The following CHODL variants were observed in gnomAD, a reference collection of about 807,000 sequenced individuals.
CHODL encodes the protein chondrolectin.
CHODL carries 29 observed loss-of-function variants against 34.5 expected under a neutral mutation model. That is an observed-to-expected ratio of 0.84 (90% CI 0.63 to 1.15). CHODL has a LOEUF of 1.15. CHODL is among the 50% of genes most tolerant of loss of function. The pLI, the probability that CHODL is intolerant of heterozygous loss-of-function variation, is 0.00. For missense variants in CHODL, 332 were observed against 332.5 expected (o/e 1.00, Z 0.01); for synonymous variants, 125 against 116.1 (o/e 1.08, Z -0.49).
rs559424912 is a variant in CHODL at position 18,267,194 on chromosome 21, C to A, written c.*1156C>A. 4 of 151,660 alleles carry A rather than the reference C, an allele frequency of 2.6e-5. No individual in the cohort carries two copies. Among genetic ancestry groups the A allele is most frequent in the African/African-American group, 9.7e-5 (4 of 41,240 alleles). The allele number at this position is 151,660 out of a possible 1,614,324, so 9.4% of individuals were successfully genotyped here. A position where few individuals can be genotyped will look rare whatever the true frequency, so the allele number is the denominator to read the frequency against. The stretch of plus-strand genomic sequence containing the variant: ...AAATGGGTTGGAACCCATCAGTGAT[C>A]GCATATTCATTGATGAGGGTTTGCT... On this transcript the variant is annotated 3_prime_UTR_variant, in exon 6 of 6. Transcript: ENST00000299295.
chr21:18,000,112 C>T (rs769746155), intron 1 of CHODL, among the ~76,000 whole-genome samples: 16 of 152,206 alleles, frequency 1.1e-4, no homozygotes, highest in Admixed American at 2.6e-4. Context: ...ATTGGGCTTT[C>T]GCTGTCTGTT....
intron 1 of CHODL, among the ~76,000 whole-genome samples, chr21:17,953,663 TTATAA>T (rs138859954): frequency 0.019 from 2,825 of 152,230 alleles, 40 homozygotes; most frequent in Non-Finnish European, 0.025. Flanking sequence ...AAATCTGAAA[TTATAA>T]TATAGAGATA....
At chr21:18,065,096 G>A (rs2064715334) in intron 2 of CHODL, among the ~76,000 whole-genome samples, 2 of 152,170 alleles carry the variant, frequency 1.3e-5, no homozygotes, top group Admixed American at 1.3e-4. Flanking sequence ...AAGGACTGGT[G>A]CTTGTACACA....
intron 2 of CHODL, among the ~76,000 whole-genome samples, chr21:18,087,122 C>T (rs1371825611): frequency 1.3e-5 from 2 of 152,192 alleles, no homozygotes; most frequent in Admixed American, 1.3e-4. Flanking sequence ...GTGGCCTCAG[C>T]TGCATCACCT....
At chr21:18,151,988 C>CTGTGTGTGTG (rs71941239) in intron 2 of CHODL, among the ~76,000 whole-genome samples, 4 of 146,494 alleles carry the variant, frequency 2.7e-5, no homozygotes, top group African/African-American at 7.5e-5. Context: ...GTATATAACT[C>CTGTGTGTGTG]TGTGTGTGTG....
intron 1 of CHODL, among the ~76,000 whole-genome samples, chr21:18,007,976 C>T (rs1486498122): frequency 1.3e-5 from 2 of 152,024 alleles, no homozygotes; most frequent in African/African-American, 4.8e-5. Context: ...ATGCATAAAT[C>T]TATGATTATA....
chr21:18,022,635 C>G (rs1003110490), intron 1 of CHODL, among the ~76,000 whole-genome samples: 26 of 152,188 alleles, frequency 1.7e-4, no homozygotes, highest in Admixed American at 1.7e-3. Flanking sequence ...ATTCCCCCAG[C>G]CACAAGTGTC....
At chr21:18,101,446 C>A (rs2065212087) in intron 2 of CHODL, among the ~76,000 whole-genome samples, 1 of 152,212 alleles carries the variant, frequency 6.6e-6, no homozygotes, top group East Asian at 1.9e-4. Context: ...GTCTTAATTT[C>A]TACCTTGTTT....
At chr21:17,960,371 A>G (rs2063522911) in intron 1 of CHODL, among the ~76,000 whole-genome samples, 1 of 152,236 alleles carries the variant, frequency 6.6e-6, no homozygotes, top group African/African-American at 2.4e-5. Context: ...ATGATAGATT[A>G]AATGACTCCT....
At chr21:17,978,013 A>T (rs371009656) in intron 1 of CHODL, among the ~76,000 whole-genome samples, 1 of 151,932 alleles carries the variant, frequency 6.6e-6, no homozygotes. Context: ...TATTGTTGGC[A>T]TAATAAATTA....
intron 2 of CHODL, chr21:18,034,651 A>G (rs2146444576): frequency 6.6e-6 from 1 of 152,182 alleles, no homozygotes; most frequent in Non-Finnish European, 1.5e-5. Flanking sequence ...ATGTGAGAAC[A>G]ACAATTGTCA....
At chr21:17,928,977 A>C (rs1002061276) in intron 1 of CHODL, among the ~76,000 whole-genome samples, 14 of 152,220 alleles carry the variant, frequency 9.2e-5, no homozygotes, top group Non-Finnish European at 1.9e-4. Context: ...CTAGAAATCC[A>C]CTTAAGAGCT....
intron 2 of CHODL, among the ~76,000 whole-genome samples, chr21:18,079,401 T>C: frequency 6.8e-6 from 1 of 147,854 alleles, no homozygotes; most frequent in Non-Finnish European, 1.5e-5. Flanking sequence ...ATATTATATA[T>C]ATATCACATA....
At chr21:18,186,677 C>T (rs1181035773) in intron 2 of CHODL, among the ~76,000 whole-genome samples, 2 of 152,112 alleles carry the variant, frequency 1.3e-5, no homozygotes, top group African/African-American at 2.4e-5. Flanking sequence ...CTCAATAATA[C>T]CAAACATTGA....
intron 2 of CHODL, among the ~76,000 whole-genome samples, chr21:18,213,148 G>C (rs1052647299): frequency 1.3e-5 from 2 of 152,096 alleles, no homozygotes; most frequent in African/African-American, 4.8e-5. Context: ...GTAATGATTT[G>C]ATCGAAGATA....
At chr21:18,003,127 A>C (rs1416506179) in intron 1 of CHODL, among the ~76,000 whole-genome samples, 1 of 128,188 alleles carries the variant, frequency 7.8e-6, no homozygotes, top group Admixed American at 7.9e-5. Flanking sequence ...GTCTCAAAAA[A>C]AAAAAAAACA....
At chr21:18,054,832 A>C (rs2064558991) in intron 2 of CHODL, among the ~76,000 whole-genome samples, 1 of 151,992 alleles carries the variant, frequency 6.6e-6, no homozygotes, top group Admixed American at 6.6e-5. Flanking sequence ...TGTCAATTAA[A>C]AAGAGAAAAG....
Position 18,244,962 on chromosome 21 carries a change from G to A in CHODL, c.-262G>A, listed in dbSNP as rs2074119130. On this transcript the variant is annotated 5_prime_UTR_variant, in exon 1 of 6. Transcript: ENST00000299295. Reference sequence around the variant, plus strand: ...CTGCTTCGCCTCTAGGACATACACGGGACCCCCTAACTTCAGTCCCCCAAA... The same window carrying A: ...CTGCTTCGCCTCTAGGACATACACGAGACCCCCTAACTTCAGTCCCCCAAA... 4.6e-6 allele frequency: 2 copies of A among 434,656 alleles called. No individual in the cohort carries two copies. Among genetic ancestry groups the A allele is most frequent in the Non-Finnish European group, 8.1e-6 (2 of 246,726 alleles). 26.9% of individuals were successfully genotyped at this position (434,656 alleles called of 1,614,324 possible). A position where few individuals can be genotyped will look rare whatever the true frequency, so the allele number is the denominator to read the frequency against.
At chr21:18,218,818 T>C (rs1236910218) in intron 2 of CHODL, among the ~76,000 whole-genome samples, 2 of 152,164 alleles carry the variant, frequency 1.3e-5, no homozygotes, top group East Asian at 3.9e-4. Context: ...GAGCAACCTT[T>C]ACTTCAGTTC....
Sources: allele counts gnomAD v4.1 joint callset (sites outside exome capture counted in the v4.1 genomes callset), GRCh38; gene constraint gnomAD v4.1.1; transcripts MANE v1.5; gene names NCBI Gene and HGNC (gene_info 2026-07-23, HGNC 2026-07-21).